DNAAF9: variants seen among roughly 807,000 people sequenced by gnomAD.
DNAAF9 encodes dynein axonemal assembly factor 9.
A neutral mutation model predicts 167.0 loss-of-function variants in DNAAF9; 90 were observed. The ratio of observed to expected loss-of-function variants is 0.54; its 90% confidence interval spans 0.45 to 0.64. DNAAF9 has a LOEUF of 0.64. Ranked by LOEUF, DNAAF9 falls within the 30% of genes least tolerant of loss-of-function variation. DNAAF9 has a pLI of 0.00. For missense variants in DNAAF9, 1,315 were observed against 1,442.2 expected (o/e 0.91, Z 1.43); for synonymous variants, 491 against 508.8 (o/e 0.96, Z 0.47).
intron 10 of DNAAF9, among the ~76,000 whole-genome samples, chr20:3,332,737 T>TGC (rs2069854627): frequency 1.3e-5 from 2 of 152,176 alleles, no homozygotes; most frequent in African/African-American, 4.8e-5. Context: ...GTGCTGAGAT[T>TGC]ACAGGTGTGC....
At chr20:3,331,181 T>C (rs1239529075) in intron 11 of DNAAF9, among the ~76,000 whole-genome samples, 2 of 152,170 alleles carry the variant, frequency 1.3e-5, no homozygotes, top group African/African-American at 4.8e-5. Context: ...TCACCCGCAT[T>C]TTCCACTTTT....
Position 3,353,777 on chromosome 20 carries a change from G to GCA in DNAAF9, c.691-5156_691-5155dup, listed in dbSNP as rs10686084. 9.0e-3 allele frequency among the ~76,000 whole-genome samples: 1,371 copies of GCA among 152,132 alleles called. 20 individuals are homozygous for GCA. Among genetic ancestry groups the GCA allele is most frequent in the African/African-American group, 0.032 (1,316 of 41,490 alleles). ...TTTTGGTTTGGGTCTATGACAGGAA[G>GCA]CAGTCACACAGTCAAGCAATACCAA... On this transcript the variant is annotated intron_variant, in intron 7 of 36. Coordinates refer to ENST00000252032, the MANE Select transcript of DNAAF9 (RefSeq NM_001009984.3).
intron 1 of DNAAF9, among the ~76,000 whole-genome samples, chr20:3,397,480 A>C (rs1433484344): frequency 6.6e-6 from 1 of 152,036 alleles, no homozygotes; most frequent in Non-Finnish European, 1.5e-5. Flanking sequence ...CACTAAGCCC[A>C]GCTAATTTTT....
intron 16 of DNAAF9, 58 bp from the exon 17 acceptor site, chr20:3,318,458 C>G (rs1175161245): frequency 1.2e-6 from 1 of 838,650 alleles, no homozygotes; most frequent in East Asian, 2.4e-5. Context: ...TCAGAGAAGT[C>G]CATAAGAATG....
intron 25 of DNAAF9, among the ~76,000 whole-genome samples, chr20:3,292,092 G>A (rs1251395490): frequency 2.6e-5 from 4 of 151,208 alleles, no homozygotes; most frequent in African/African-American, 4.9e-5. Context: ...TCCGCCTCCC[G>A]GGTTCACGCA....
chr20:3,258,510 A>T (rs184057764), intron 33 of DNAAF9, among the ~76,000 whole-genome samples: 1 of 152,150 alleles, frequency 6.6e-6, no homozygotes, highest in Non-Finnish European at 1.5e-5. Flanking sequence ...ATCCAATGAG[A>T]TAAGTCGGCA....
At chr20:3,283,108 G>A (rs1409284372) in intron 27 of DNAAF9, among the ~76,000 whole-genome samples, 1 of 152,180 alleles carries the variant, frequency 6.6e-6, no homozygotes, top group Non-Finnish European at 1.5e-5. Flanking sequence ...CTTCAAGAGG[G>A]GACCTAGCCT....
intron 20 of DNAAF9, among the ~76,000 whole-genome samples, chr20:3,306,276 C>T (rs2069290765): frequency 6.6e-6 from 1 of 152,204 alleles, no homozygotes; most frequent in South Asian, 2.1e-4. Flanking sequence ...ACCCCATCCT[C>T]TGATGTCACT....
chr20:3,274,571 A>G (rs2068647254), intron 29 of DNAAF9, among the ~76,000 whole-genome samples: 1 of 152,220 alleles, frequency 6.6e-6, no homozygotes, highest in Non-Finnish European at 1.5e-5. Context: ...GTGATACTAG[A>G]CAAATTGCTC....
chr20:3,364,644 T>C (rs547176550), intron 6 of DNAAF9, among the ~76,000 whole-genome samples: 370 of 152,342 alleles, frequency 2.4e-3, no homozygotes, highest in Non-Finnish European at 3.8e-3. Context: ...ATAAAAGTTA[T>C]GTTTACAACA....
chr20:3,267,802 T>A (rs1474809438), intron 30 of DNAAF9, among the ~76,000 whole-genome samples: 1 of 152,032 alleles, frequency 6.6e-6, no homozygotes, highest in African/African-American at 2.4e-5. Flanking sequence ...GTCACGGCAC[T>A]CCAGCCTGGG....
chr20:3,259,498 C>G lies in DNAAF9; in HGVS notation c.3037G>C (p.Gly1013Arg). The stretch of plus-strand genomic sequence containing the variant: ...TGGTTACCTGAAAACTTCACTTTGC[C>G]CAGGATGTGGTAGATGTTTCCGGAG... ...PFSGNIYHIL[G>R]KVKFSDSERT... Residue 1013 changes from glycine to arginine, a missense_variant, in exon 33 of 37, where the codon GGC (glycine) becomes CGC (arginine). Around this residue, in one of 2 missense-constraint regions of DNAAF9, gnomAD observed 334 missense variants for 429.7 expected, o/e 0.78. Transcript: ENST00000252032. The G allele has an allele frequency of 6.2e-7, 1 of 1,611,322 alleles. No individual in the cohort carries two copies. Among genetic ancestry groups the G allele is most frequent in the Non-Finnish European group, 8.5e-7 (1 of 1,177,428 alleles).
intron 1 of DNAAF9, among the ~76,000 whole-genome samples, chr20:3,390,584 C>T (rs548563235): frequency 2.6e-5 from 4 of 152,146 alleles, no homozygotes; most frequent in South Asian, 2.1e-4. Context: ...AGGCTGTTCT[C>T]GAACTCCTGA....
intron 20 of DNAAF9, 116 bp downstream of exon 20, chr20:3,314,917 T>G: frequency 1.5e-6 from 1 of 680,266 alleles, no homozygotes; most frequent in Non-Finnish European, 2.6e-6. Flanking sequence ...GGAAAACATT[T>G]CTGTACCACA....
Position 3,259,507 on chromosome 20 carries a change from G to T in DNAAF9, c.3028C>A (p.His1010Asn), listed in dbSNP as rs755117779. ...GAAAACTTCACTTTGCCCAGGATGT[G>T]GTAGATGTTTCCGGAGAAGGGACTT... is the stretch of plus-strand genomic sequence containing the variant. Reference protein sequence around the residue: ...KPSPFSGNIYHILGKVKFSDS... With the variant: ...KPSPFSGNIYNILGKVKFSDS... Residue 1010 changes from histidine (H) to asparagine (N), a missense_variant, in exon 33 of 37, where the codon CAC becomes AAC. Around this residue, in one of 2 missense-constraint regions of DNAAF9, gnomAD observed 334 missense variants for 429.7 expected, o/e 0.78. Transcript: ENST00000252032. 2 of 1,612,378 alleles carry T rather than the reference G, an allele frequency of 1.2e-6. No homozygotes were observed. Among genetic ancestry groups the T allele is most frequent in the Non-Finnish European group, 1.7e-6 (2 of 1,178,376 alleles).
At chr20:3,311,548 G>C (rs1875378081) in intron 20 of DNAAF9, among the ~76,000 whole-genome samples, 1 of 152,080 alleles carries the variant, frequency 6.6e-6, no homozygotes, top group African/African-American at 2.4e-5. Context: ...ACTGCACCTA[G>C]CACAAAAACT....
At chr20:3,303,204 T>C (rs1253248524) in intron 21 of DNAAF9, among the ~76,000 whole-genome samples, 1 of 150,284 alleles carries the variant, frequency 6.7e-6, no homozygotes, top group Non-Finnish European at 1.5e-5. Context: ...ATCGCACCAC[T>C]GCACTCCAGC....
intron 1 of DNAAF9, among the ~76,000 whole-genome samples, chr20:3,400,391 C>A (rs569755222): frequency 4.6e-5 from 7 of 151,982 alleles, no homozygotes; most frequent in East Asian, 1.9e-4. Context: ...CAATATTAAT[C>A]TCTTAGTTTT....
rs1399312697 is a variant in DNAAF9, at chr20:3,299,851, C to A, written c.1783-1676G>T. On this transcript the variant is annotated intron_variant, in intron 21 of 36. Transcript: ENST00000252032. ...TTTTCTTTTGCAAGATTGTTTTAAA[C>A]AATAAGGGTCCCTTGAGAGTCTATA... 2.0e-5 allele frequency among the ~76,000 whole-genome samples: 3 copies of A among 152,122 alleles called. No individual in the cohort carries two copies. In the East Asian group the frequency reaches 5.8e-4, roughly 29 times the overall value.
Sources: gnomAD v4.1 joint callset for allele counts (sites outside exome capture counted in the v4.1 genomes callset) on GRCh38, gnomAD v4.1.1 for gene constraint, gnomAD v4.1.1 regional missense constraint, MANE v1.5 for transcripts, NCBI Gene and HGNC (gene_info 2026-07-23, HGNC 2026-07-21) for gene names.